SLC25A14: variants seen among roughly 807,000 people sequenced by gnomAD.
The protein encoded by SLC25A14 is brain mitochondrial carrier protein 1.
A neutral mutation model predicts 28.1 loss-of-function variants in SLC25A14; 8 were observed. That is an observed-to-expected ratio of 0.28 (90% CI 0.17 to 0.51). The LOEUF (loss-of-function observed/expected upper bound fraction) is 0.51, where lower values mean the gene tolerates loss of function less well. Ranked by LOEUF, SLC25A14 falls within the 20% of genes least tolerant of loss-of-function variation. SLC25A14 has a pLI of 0.97. For synonymous variants in SLC25A14, 74 were observed against 90.6 expected (o/e 0.82, Z 1.04); for missense variants, 135 against 263.8 (o/e 0.51, Z 3.38).
intron 5 of SLC25A14, 57 bp from the exon 6 acceptor site, chrX:130,350,589 G>C: frequency 1.5e-6 from 1 of 684,596 alleles, no homozygotes; most frequent in Non-Finnish European, 2.2e-6. Flanking sequence ...TCAGTAGTAT[G>C]TACTCAAACT....
At position 130,358,975 on chromosome X, in the gene SLC25A14, C is replaced by G. The variant is rs781479491; in HGVS notation, c.594+240C>G. The G allele has an allele frequency of 2.0e-5, 20 of 976,771 alleles. No homozygotes were observed. The African/African-American group carries it at 3.9e-4, about 19-fold the overall frequency. The allele number at this position is 976,771 out of a possible 1,213,427, so 80.5% of individuals were successfully genotyped here. A position where few individuals can be genotyped will look rare whatever the true frequency, so the allele number is the denominator to read the frequency against. On this transcript the variant is annotated intron_variant, in intron 7 of 10. Coordinates refer to ENST00000545805, the MANE Select transcript of SLC25A14 (RefSeq NM_001282195.2). ...TTGAGATGGCTGTTTCGATCATATT[C>G]ACAGTGAATGTAGTTGTTCAGTGTA...
chrX:130,341,404 C>G (rs2033254948), intron 2 of SLC25A14, among the ~76,000 whole-genome samples: 1 of 112,441 alleles, frequency 8.9e-6, no homozygotes, highest in African/African-American at 3.2e-5. Flanking sequence ...GAACGAATAT[C>G]TGTGTTTTTC....
At chrX:130,362,703 C>T (rs896114243) in intron 7 of SLC25A14, among the ~76,000 whole-genome samples, 8 of 111,850 alleles carry the variant, frequency 7.2e-5, no homozygotes, top group Non-Finnish European at 1.3e-4. Context: ...CTATCATAAG[C>T]GTTTTCTTGT....
intron 2 of SLC25A14, among the ~76,000 whole-genome samples, chrX:130,342,750 AGTAAAAT>A (rs2124742907): frequency 9.0e-6 from 1 of 110,556 alleles, no homozygotes; most frequent in Admixed American, 9.6e-5. Flanking sequence ...TTCATGGGCC[AGTAAAAT>A]GTAAATGAAA....
chrX:130,353,265 AC>A (rs1179429150), intron 6 of SLC25A14, among the ~76,000 whole-genome samples: 1 of 110,948 alleles, frequency 9.0e-6, no homozygotes, highest in Non-Finnish European at 1.9e-5. Flanking sequence ...TAAGCAGACA[AC>A]CCCACCTCCT....
At position 130,357,363 on chromosome X, in the gene SLC25A14, G is replaced by A. The variant is rs767243174; in HGVS notation, c.499-1277G>A. Among the ~76,000 whole-genome samples, 7 of 111,123 alleles carry A rather than the reference G, an allele frequency of 6.3e-5. No individual in the cohort carries two copies. The South Asian group carries it at 1.1e-3, about 18-fold the overall frequency. ...TATGGCTTTTTGTGGATTAATTTTG[G>A]TTAAAAAATATCATATTGAGACATC... On this transcript the variant is annotated intron_variant, in intron 6 of 10. Transcript: ENST00000545805.
chrX:130,353,702 A>G (rs1216740915), intron 6 of SLC25A14, among the ~76,000 whole-genome samples: 2 of 111,868 alleles, frequency 1.8e-5, no homozygotes, highest in East Asian at 2.8e-4. Flanking sequence ...TCTGACCTCA[A>G]AACACCATGC....
chrX:130,364,963 C>A, intron 8 of SLC25A14: 1 of 929,463 alleles, frequency 1.1e-6, no homozygotes. Flanking sequence ...GGAACATTGT[C>A]TAATACAGCA....
rs780886571 is a variant in SLC25A14, at chrX:130,360,345, T to A, written c.594+1610T>A. On this transcript the variant is annotated intron_variant, in intron 7 of 10. Transcript: ENST00000545805. ...GTTAAACATTTTTGGTAAGGGTGCT[T>A]CATAGGTGATGCTGTGTATTTCATA... 5.4e-5 allele frequency among the ~76,000 whole-genome samples: 6 copies of A among 111,324 alleles called. No homozygotes were observed. The South Asian group carries it at 2.3e-3, about 43-fold the overall frequency.
intron 2 of SLC25A14, among the ~76,000 whole-genome samples, chrX:130,342,231 A>G (rs2033281637): frequency 8.9e-6 from 1 of 111,884 alleles, no homozygotes; most frequent in African/African-American, 3.3e-5. Context: ...GAAGGTTCAA[A>G]AAATATTGCA....
chrX:130,365,459 T>C (rs1466683317), intron 8 of SLC25A14, 82 bp from the exon 9 acceptor site: 1 of 1,180,362 alleles, frequency 8.5e-7, no homozygotes, highest in African/African-American at 1.7e-5. Context: ...AGTTATATTG[T>C]ACAGTTTACG....
At chrX:130,360,803 A>G (rs961011726) in intron 7 of SLC25A14, among the ~76,000 whole-genome samples, 3 of 112,200 alleles carry the variant, frequency 2.7e-5, no homozygotes, top group Non-Finnish European at 5.6e-5. Context: ...GACATAACAT[A>G]AAATTTACCA....
chrX:130,347,071 G>A (rs926867085), intron 4 of SLC25A14, among the ~76,000 whole-genome samples: 3 of 110,894 alleles, frequency 2.7e-5, no homozygotes, highest in African/African-American at 6.5e-5. Context: ...TATTCTTGCA[G>A]TTTAAACAGA....
chrX:130,342,854 AAATT>A (rs1316826564), intron 2 of SLC25A14, among the ~76,000 whole-genome samples: 1 of 109,294 alleles, frequency 9.1e-6, no homozygotes, highest in Non-Finnish European at 1.9e-5. Context: ...GACAGTCCCT[AAATT>A]AAATACATTT....
chrX:130,345,438 GTA>G (rs1186118850), intron 3 of SLC25A14, among the ~76,000 whole-genome samples, 163 bp downstream of exon 3: 1 of 111,785 alleles, frequency 8.9e-6, no homozygotes, highest in African/African-American at 3.2e-5. Flanking sequence ...ACTACTGATG[GTA>G]TGGCAGATGA....
intron 10 of SLC25A14, 114 bp downstream of exon 10, chrX:130,371,758 C>T: frequency 4.0e-6 from 2 of 501,137 alleles, no homozygotes; most frequent in Non-Finnish European, 6.9e-6. Context: ...TCAAGCATCC[C>T]ATTGGTGACC....
At position 130,346,607 on chromosome X, in the gene SLC25A14, G is replaced by A. The variant is rs1011354966; in HGVS notation, c.233G>A (p.Arg78His). The A allele has an allele frequency of 5.0e-6, 6 of 1,206,949 alleles. No individual in the cohort carries two copies. In the East Asian group the frequency reaches 1.2e-4, roughly 24 times the overall value. ...LQVQGQSIDA[R>H]FKEIKYRGMF... The stretch of plus-strand genomic sequence containing the variant: ...GTTCAAGGCCAAAGCATTGATGCCC[G>A]TTTCAAAGAGATAAAATATAGAGGG... Residue 78 changes from arginine to histidine, a missense_variant, in exon 4 of 11, where the codon CGT becomes CAT. Physicochemically the swap from Arg to His is conservative, Grantham distance 29. Transcript: ENST00000545805.
intron 8 of SLC25A14, chrX:130,364,961 G>T: frequency 1.1e-6 from 1 of 930,099 alleles, no homozygotes; most frequent in Non-Finnish European, 1.4e-6. Context: ...TGGGAACATT[G>T]TCTAATACAG....
At position 130,365,606 on chromosome X, in the gene SLC25A14, G is replaced by T; in HGVS notation, c.785G>T (p.Arg262Leu). ...AACCCGGTTGATGTGGTTCGAACTCGCATGATGAACCAGAGGGCAATCGTG... is the reference window on the plus strand; with the variant it reads ...AACCCGGTTGATGTGGTTCGAACTCTCATGATGAACCAGAGGGCAATCGTG... ...ASNPVDVVRT[R>L]MMNQRAIVGH... The change falls in exon 9 of 11, where the codon CGC (arginine) becomes CTC (leucine). Residue 262 changes from arginine (R) to leucine (L), a missense_variant. By Grantham distance (102) the Arg-to-Leu change is moderately radical. Coordinates refer to ENST00000545805, the MANE Select transcript of SLC25A14 (RefSeq NM_001282195.2). The T allele has an allele frequency of 1.7e-6, 2 of 1,211,303 alleles. No individual in the cohort carries two copies. The highest frequency in any genetic ancestry group is 2.2e-6 in the Non-Finnish European group (2 of 895,114).
Sources: allele counts gnomAD v4.1 joint callset (sites outside exome capture counted in the v4.1 genomes callset), GRCh38; gene constraint gnomAD v4.1.1; transcripts MANE v1.5; gene names NCBI Gene and HGNC (gene_info 2026-07-23, HGNC 2026-07-21).